The following LIMA1 variants were observed in gnomAD, a reference collection of about 807,000 sequenced individuals.
The protein encoded by LIMA1 is LIM domain and actin-binding protein 1.
In LIMA1, 52 loss-of-function variants were observed where a neutral mutation model predicts 62.6. The observed-to-expected ratio is 0.83, with a 90% CI of 0.67 to 1.05. LIMA1 has a LOEUF of 1.05. Among genes scored for constraint, LIMA1 ranks in the 50% least tolerant of loss-of-function variants. The probability of loss-of-function intolerance (pLI) is 0.00; values close to 1 mark genes in which losing one functional copy is unlikely to be tolerated. For missense variants in LIMA1, 780 were observed against 902.2 expected (o/e 0.86, Z 1.74); for synonymous variants, 302 against 317.8 (o/e 0.95, Z 0.53).
At chr12:50,253,764 G>A (rs907591625) in intron 1 of LIMA1, among the ~76,000 whole-genome samples, 2 of 152,200 alleles carry the variant, frequency 1.3e-5, no homozygotes, top group East Asian at 1.9e-4. Context: ...GGTGGCTCAC[G>A]CCTGTAATCC....
intron 3 of LIMA1, among the ~76,000 whole-genome samples, chr12:50,226,712 G>A (rs1037667265): frequency 9.9e-5 from 15 of 151,796 alleles, no homozygotes; most frequent in Non-Finnish European, 1.9e-4. Context: ...GGTGGCGTGC[G>A]CCTGTAATCC....
chr12:50,184,882 A>G (rs1357362475), intron 9 of LIMA1, among the ~76,000 whole-genome samples: 2 of 152,012 alleles, frequency 1.3e-5, no homozygotes, highest in East Asian at 3.9e-4. Context: ...CCCAGACTGG[A>G]GTACAGTGGC....
Position 50,240,042 on chromosome 12 carries a change from ATAACATAACATAAC to A in LIMA1, c.120-8346_120-8333del, listed in dbSNP as rs1350468382. 7.8e-4 allele frequency among the ~76,000 whole-genome samples: 118 copies of A among 150,758 alleles called. 2 individuals are homozygous for A. Among genetic ancestry groups the A allele is most frequent in the South Asian group, 2.2e-3 (10 of 4,618 alleles). Reference sequence around the variant, plus strand: ...ATAACATAACATAACATAACATAACATAACATAACATAACATAAAATAAAAAATTTTTAAAAGGA... The same window carrying A: ...ATAACATAACATAACATAACATAACAATAAAATAAAAAATTTTTAAAAGGA... On this transcript the variant is annotated intron_variant, in intron 2 of 10. Transcript: ENST00000341247.
intron 1 of LIMA1, among the ~76,000 whole-genome samples, chr12:50,250,563 CAA>C (rs754126420): frequency 2.4e-4 from 8 of 33,894 alleles, no homozygotes; most frequent in African/African-American, 4.2e-4. Context: ...AAGATGTTCT[CAA>C]AAAAAAAAAA....
intron 1 of LIMA1, among the ~76,000 whole-genome samples, chr12:50,280,312 G>A (rs1592576750): frequency 6.6e-6 from 1 of 151,662 alleles, no homozygotes; most frequent in Non-Finnish European, 1.5e-5. Flanking sequence ...CTGCCACCAC[G>A]CCCGGCTAAT....
chr12:50,243,590 A>T (rs1033562804), intron 2 of LIMA1, among the ~76,000 whole-genome samples: 16 of 152,200 alleles, frequency 1.1e-4, no homozygotes, highest in Non-Finnish European at 1.9e-4. Context: ...AAAACCTAGA[A>T]CAGAAATCCA....
intron 1 of LIMA1, among the ~76,000 whole-genome samples, chr12:50,269,807 C>T (rs2138693165): frequency 6.7e-6 from 1 of 149,614 alleles, no homozygotes; most frequent in South Asian, 2.1e-4. Context: ...GTAATCCCAA[C>T]TACTTGGGAG....
chr12:50,191,928 T>A (rs1393808209), intron 9 of LIMA1, among the ~76,000 whole-genome samples: 1 of 151,556 alleles, frequency 6.6e-6, no homozygotes, highest in Non-Finnish European at 1.5e-5. Flanking sequence ...GGTCAGGAGT[T>A]TGAGACCAGC....
In LIMA1 at chr12:50,192,495, C is replaced by G; in HGVS notation, c.1097G>C (p.Arg366Thr). Residue 366 changes from arginine to threonine, a missense_variant, in exon 9 of 11, where the codon AGA becomes ACA. Coordinates refer to ENST00000341247, the MANE Select transcript of LIMA1 (RefSeq NM_016357.5). ...AGAACTTTCAGAAAGACTGGAGGCT[C>G]TGGAATCTGGACTTAGTGGCTTGGG... ...VHPKPLSPDS[R>T]ASSLSESSPP... 1 of 1,614,124 alleles carries G rather than the reference C, an allele frequency of 6.2e-7. No homozygotes were observed. Among genetic ancestry groups the G allele is most frequent in the East Asian group, 2.2e-5 (1 of 44,890 alleles).
chr12:50,204,257 CTTCT>C (rs910666771), intron 6 of LIMA1: 8 of 262,316 alleles, frequency 3.0e-5, no homozygotes, highest in African/African-American at 1.8e-4. Flanking sequence ...TAAAATACTA[CTTCT>C]TTAACAACAC....
At chr12:50,185,449 C>A in intron 9 of LIMA1, 1 of 456,168 alleles carries the variant, frequency 2.2e-6, no homozygotes, top group Non-Finnish European at 4.4e-6. Context: ...GAGGCAGAAG[C>A]TGGAAGAGAC....
At chr12:50,180,136 A>T (rs1005005916) in intron 10 of LIMA1, among the ~76,000 whole-genome samples, 2 of 152,126 alleles carry the variant, frequency 1.3e-5, no homozygotes, top group Admixed American at 6.5e-5. Context: ...CCTCATCTCT[A>T]TGAAAAATAC....
At chr12:50,182,130 CCT>C (rs1258545108) in intron 9 of LIMA1, 93 bp from the exon 10 acceptor site, 1 of 1,406,698 alleles carries the variant, frequency 7.1e-7, no homozygotes, top group Non-Finnish European at 9.8e-7. Context: ...CTAAGGGCTC[CCT>C]TAGCTGGTCA....
At chr12:50,216,966 A>G (rs1462519624) in intron 4 of LIMA1, among the ~76,000 whole-genome samples, 2 of 152,038 alleles carry the variant, frequency 1.3e-5, no homozygotes, top group Non-Finnish European at 1.5e-5. Flanking sequence ...GCTTTAATCA[A>G]TTTTCATTAT....
chr12:50,203,517 G>T (rs1345993591), intron 6 of LIMA1, among the ~76,000 whole-genome samples: 1 of 151,658 alleles, frequency 6.6e-6, no homozygotes, highest in Non-Finnish European at 1.5e-5. Flanking sequence ...GGGTTCCAGC[G>T]ATTCTCCTGC....
At chr12:50,259,555 A>G (rs1369048491) in intron 1 of LIMA1, among the ~76,000 whole-genome samples, 2 of 152,230 alleles carry the variant, frequency 1.3e-5, no homozygotes, top group African/African-American at 2.4e-5. Context: ...ACTGTGAATT[A>G]CCCAGTAATT....
At chr12:50,205,816 G>T (rs1446992395) in intron 5 of LIMA1, among the ~76,000 whole-genome samples, 168 bp downstream of exon 5, 2 of 137,492 alleles carry the variant, frequency 1.5e-5, no homozygotes, top group African/African-American at 5.6e-5. Flanking sequence ...AAAAAAAAAA[G>T]CTATTTATCG....
chr12:50,241,990 T>G (rs930607278), intron 2 of LIMA1, among the ~76,000 whole-genome samples: 4 of 130,668 alleles, frequency 3.1e-5, no homozygotes, highest in Admixed American at 1.7e-4. Flanking sequence ...AGCCTCCTTT[T>G]CTTTACATAA....
chr12:50,232,973 C>A (rs538385853), intron 2 of LIMA1, among the ~76,000 whole-genome samples: 1 of 152,128 alleles, frequency 6.6e-6, no homozygotes, highest in African/African-American at 2.4e-5. Flanking sequence ...GGTGACGGAG[C>A]GAGATTCAAA....
Sources: gnomAD v4.1 joint callset for allele counts (sites outside exome capture counted in the v4.1 genomes callset) on GRCh38, gnomAD v4.1.1 for gene constraint, MANE v1.5 for transcripts, NCBI Gene and HGNC (gene_info 2026-07-23, HGNC 2026-07-21) for gene names.